Variants in AK9 observed in about 807,000 individuals in gnomAD.
AK9 encodes adenylate kinase domain containing 1.
AK9 carries 191 observed loss-of-function variants against 239.6 expected under a neutral mutation model. That is an observed-to-expected ratio of 0.80 (90% CI 0.71 to 0.90). AK9 has a LOEUF of 0.90. AK9 is among the 40% of genes least tolerant of loss of function. The pLI is 0.00. For synonymous variants in AK9, 689 were observed against 721.0 expected (o/e 0.96, Z 0.71); for missense variants, 1,995 against 2,214.7 (o/e 0.90, Z 1.99).
chr6:109,650,486 A>G (rs1324360459), intron 8 of AK9, among the ~76,000 whole-genome samples: 1 of 151,628 alleles, frequency 6.6e-6, no homozygotes, highest in Non-Finnish European at 1.5e-5. Flanking sequence ...AAAAATGATC[A>G]TCATCACTGG....
chr6:109,621,985 ATGT>A (rs1794914044), intron 12 of AK9, among the ~76,000 whole-genome samples: 1 of 146,924 alleles, frequency 6.8e-6, no homozygotes, highest in Non-Finnish European at 1.5e-5. Context: ...TGTCAAAGAT[ATGT>A]TCATAATTTT....
intron 8 of AK9, among the ~76,000 whole-genome samples, chr6:109,654,775 T>C (rs1383702805): frequency 6.6e-6 from 1 of 152,144 alleles, no homozygotes; most frequent in Non-Finnish European, 1.5e-5. Flanking sequence ...AATGGGAACA[T>C]GGTGTTGGCT....
chr6:109,676,330 T>C (rs534873496), intron 1 of AK9, among the ~76,000 whole-genome samples: 1 of 152,254 alleles, frequency 6.6e-6, no homozygotes, highest in East Asian at 1.9e-4. Context: ...TAAGCGGATT[T>C]CTAGGCACAG....
intron 36 of AK9, among the ~76,000 whole-genome samples, chr6:109,498,284 C>A (rs1354184705): frequency 6.6e-6 from 1 of 152,196 alleles, no homozygotes; most frequent in Non-Finnish European, 1.5e-5. Flanking sequence ...GTGTAATTAA[C>A]CGGTTGGGTG....
At chr6:109,582,550 T>C (rs1054329183) in intron 19 of AK9, among the ~76,000 whole-genome samples, 1 of 152,188 alleles carries the variant, frequency 6.6e-6, no homozygotes, top group Non-Finnish European at 1.5e-5. Flanking sequence ...TGCTGCAATC[T>C]CATGATCAAA....
At chr6:109,635,521 G>A (rs1796608989) in intron 10 of AK9, among the ~76,000 whole-genome samples, 1 of 152,128 alleles carries the variant, frequency 6.6e-6, no homozygotes, top group Non-Finnish European at 1.5e-5. Flanking sequence ...AAGACCAGAA[G>A]CATACTTTCT....
At chr6:109,674,356 A>G (rs1380457290) in intron 2 of AK9, 95 bp from the exon 3 acceptor site, 1 of 783,730 alleles carries the variant, frequency 1.3e-6, no homozygotes, top group African/African-American at 1.8e-5. Context: ...GCTAGTTACT[A>G]TTACATCAAT....
At chr6:109,601,367 T>C (rs1417001747) in intron 17 of AK9, among the ~76,000 whole-genome samples, 1 of 152,212 alleles carries the variant, frequency 6.6e-6, no homozygotes, top group Non-Finnish European at 1.5e-5. Context: ...GTTGTTGAGT[T>C]TCGATGTAGT....
At chr6:109,524,926 A>G (rs574234470) in intron 29 of AK9, among the ~76,000 whole-genome samples, 4 of 152,332 alleles carry the variant, frequency 2.6e-5, no homozygotes, top group East Asian at 1.9e-4. Context: ...TAATTCTAGC[A>G]TAACTACTAA....
intron 14 of AK9, 43 bp from the exon 15 acceptor site, chr6:109,614,339 T>C (rs1242252954): frequency 1.3e-6 from 2 of 1,546,494 alleles, no homozygotes; most frequent in Non-Finnish European, 1.8e-6. Context: ...AATCTATTTA[T>C]ATTAGGGATG....
chr6:109,606,226 TG>T, intron 17 of AK9, among the ~76,000 whole-genome samples: 1 of 151,998 alleles, frequency 6.6e-6, no homozygotes, highest in East Asian at 1.9e-4. Flanking sequence ...TACTATTTTA[TG>T]TTTACTTTAT....
At chr6:109,523,336 T>C (rs912774766) in intron 29 of AK9, among the ~76,000 whole-genome samples, 1 of 152,142 alleles carries the variant, frequency 6.6e-6, no homozygotes, top group Non-Finnish European at 1.5e-5. Flanking sequence ...TTGTTTTCCC[T>C]GACATCACGC....
intron 12 of AK9, among the ~76,000 whole-genome samples, chr6:109,619,739 C>G (rs923830023): frequency 1.3e-5 from 2 of 151,996 alleles, no homozygotes; most frequent in Non-Finnish European, 2.9e-5. Flanking sequence ...GTCAGGAGTT[C>G]AAGAGCAGCC....
At chr6:109,607,393 T>C (rs1025396147) in intron 17 of AK9, among the ~76,000 whole-genome samples, 2 of 152,226 alleles carry the variant, frequency 1.3e-5, no homozygotes, top group Non-Finnish European at 2.9e-5. Context: ...GTCATGTCTG[T>C]ACTAAACATG....
intron 10 of AK9, among the ~76,000 whole-genome samples, chr6:109,636,165 C>A (rs1461777326): frequency 6.6e-6 from 1 of 152,114 alleles, no homozygotes; most frequent in Non-Finnish European, 1.5e-5. Context: ...CTGACCCTGT[C>A]CTTCCTCCTA....
At chr6:109,619,479 T>C (rs1468424129) in intron 12 of AK9, among the ~76,000 whole-genome samples, 1 of 152,130 alleles carries the variant, frequency 6.6e-6, no homozygotes, top group Admixed American at 6.6e-5. Flanking sequence ...TCATGTAGTA[T>C]ATATATTCAG....
intron 17 of AK9, among the ~76,000 whole-genome samples, chr6:109,608,376 G>T (rs1252218623): frequency 6.6e-6 from 1 of 151,708 alleles, no homozygotes; most frequent in Non-Finnish European, 1.5e-5. Flanking sequence ...TCTATAAAGG[G>T]ACTACACATA....
chr6:109,597,201 T>C (rs983668980), intron 17 of AK9, among the ~76,000 whole-genome samples: 11 of 152,264 alleles, frequency 7.2e-5, no homozygotes, highest in Non-Finnish European at 1.3e-4. Context: ...TTCATACACA[T>C]TGCCACATTG....
intron 8 of AK9, among the ~76,000 whole-genome samples, chr6:109,652,894 T>C (rs550233324): frequency 1.8e-4 from 27 of 152,230 alleles, no homozygotes; most frequent in Non-Finnish European, 4.0e-4. Flanking sequence ...TATATCCTGA[T>C]ATATTGGATA....
Sources: allele counts gnomAD v4.1 joint callset (sites outside exome capture counted in the v4.1 genomes callset), GRCh38; gene constraint gnomAD v4.1.1; transcripts MANE v1.5; gene names NCBI Gene and HGNC (gene_info 2026-07-23, HGNC 2026-07-21).